Variants in KDM2B observed in about 807,000 individuals in gnomAD.
KDM2B encodes the protein lysine demethylase 2B.
In KDM2B, 26 loss-of-function variants were observed where a neutral mutation model predicts 150.0. The ratio of observed to expected loss-of-function variants is 0.17; its 90% CI spans 0.13 to 0.24. The LOEUF is 0.24. Among genes scored for constraint, KDM2B ranks in the 10% least tolerant of loss-of-function variants. KDM2B has a pLI of 1.00. For missense variants in KDM2B, 1,265 were observed against 1,816.9 expected, an observed-to-expected ratio of 0.70 and a Z score of 5.52; for synonymous variants, 734 against 729.5, an observed-to-expected ratio of 1.01 and a Z score of -0.10.
At chr12:121,428,202 T>C (rs1332301641), downstream of KDM2B, among the ~76,000 whole-genome samples, 2 of 150,866 alleles carry the variant, frequency 1.3e-5, no homozygotes, top group Non-Finnish European at 2.9e-5. Flanking sequence ...GAGATCTTTC[T>C]CTTTTTTTTT....
rs1555288867 is a variant in KDM2B, at chr12:121,442,725, C to T, written c.2716G>A (p.Glu906Lys). 1 of 1,568,276 alleles carries T rather than the reference C, an allele frequency of 6.4e-7. No homozygotes were observed. The highest frequency in any genetic ancestry group is 2.3e-5 in the East Asian group (1 of 44,428). ...ELPEAPPKTR[E>K]SDHSRSSSPT... ...GAGCTGGAGCGGGAGTGGTCGCTCT[C>T]CCTGGTCTTGGGGGGCGCCTCGGGC... The change falls in exon 19 of 23, where the codon GAG (glutamate) becomes AAG (lysine). Residue 906 changes from glutamate (E) to lysine (K), a missense_variant. Glu to Lys is a moderately conservative substitution (Grantham distance 56). Around this residue, in one of 11 missense-constraint regions of KDM2B, gnomAD observed 418 missense variants for 402.4 expected, o/e 1.04. Transcript: ENST00000377071. This position sits in a 1 kb window ranked among gnomAD's most constrained non-coding sequence, Gnocchi z 7.7.
In KDM2B at chr12:121,453,068, C is replaced by G; in HGVS notation, c.1959+52G>C. On this transcript the variant is annotated intron_variant, in intron 13 of 22. Coordinates refer to ENST00000377071, the MANE Select transcript of KDM2B (RefSeq NM_032590.5). This position sits in a 1 kb window ranked among gnomAD's most constrained non-coding sequence, Gnocchi z 6.4. ...GCGAGCAGCGGTCAGACACGCGGGC[C>G]GGCACGCAGGGGCCTGAATCGAGCG... 3 of 1,464,484 alleles carry G rather than the reference C, an allele frequency of 2.0e-6. No homozygotes were observed. Among genetic ancestry groups the G allele is most frequent in the Non-Finnish European group, 2.8e-6 (3 of 1,089,566 alleles). 90.7% of individuals were successfully genotyped at this position (1,464,484 alleles called of 1,614,324 possible).
rs1308876119 is a variant in KDM2B, at chr12:121,453,761, C to T, written c.1735-417G>A. On this transcript the variant is annotated intron_variant, in intron 12 of 22. Coordinates refer to ENST00000377071, the MANE Select transcript of KDM2B (RefSeq NM_032590.5). This position sits in a 1 kb window ranked among gnomAD's most constrained non-coding sequence, Gnocchi z 6.4. ...CCGCAGAGCCAGCCCGGCCCGCCAG[C>T]CCACACCTTGACTTCAGACTCCTGG... 6.6e-6 allele frequency among the ~76,000 whole-genome samples: 1 copy of T among 152,226 alleles called. No individual in the cohort carries two copies. Among genetic ancestry groups the T allele is most frequent in the South Asian group, 2.1e-4 (1 of 4,826 alleles).
intron 11 of KDM2B, among the ~76,000 whole-genome samples, chr12:121,494,943 C>T (rs905097615): frequency 1.3e-5 from 2 of 151,930 alleles, no homozygotes; most frequent in Non-Finnish European, 2.9e-5. Context: ...CCCATGATCA[C>T]AGTTATGACA....
rs1386790598 is a variant in KDM2B, at chr12:121,516,129, A to G, written c.1048-2727T>C. On this transcript the variant is annotated intron_variant, in intron 9 of 22. Coordinates refer to ENST00000377071, the MANE Select transcript of KDM2B (RefSeq NM_032590.5). The stretch of plus-strand genomic sequence containing the variant: ...ACGAATTACCAGTACTTAAAAAGCA[A>G]GCTGAGGACGGACAGACCTCATCCA... Among the ~76,000 whole-genome samples, 3 of 152,146 alleles carry G rather than the reference A, an allele frequency of 2.0e-5. No individual in the cohort carries two copies. The East Asian group carries it at 5.8e-4, about 29-fold the overall frequency.
chr12:121,568,170 T>C (rs1334725026), intron 4 of KDM2B, among the ~76,000 whole-genome samples: 2 of 151,972 alleles, frequency 1.3e-5, no homozygotes, highest in African/African-American at 4.8e-5. Flanking sequence ...TCAGAAAATA[T>C]CCAACCACGA....
rs1173698142 is a variant in KDM2B, at chr12:121,533,885, C to T, written c.777+612G>A. Among the ~76,000 whole-genome samples, 5 of 152,146 alleles carry T rather than the reference C, an allele frequency of 3.3e-5. No individual in the cohort carries two copies. Among genetic ancestry groups the T allele is most frequent in the Admixed American group, 1.3e-4 (2 of 15,268 alleles). On this transcript the variant is annotated intron_variant, in intron 7 of 22. Coordinates refer to ENST00000377071, the MANE Select transcript of KDM2B (RefSeq NM_032590.5). This position sits in a 1 kb window ranked among gnomAD's most constrained non-coding sequence, Gnocchi z 4.1. ...ATCCCAGCACTTTGGAAGACCAAGA[C>T]GAGAGGATCACGTGAGCCCAGGACT...
intron 12 of KDM2B, among the ~76,000 whole-genome samples, chr12:121,486,805 T>C (rs1403969199): frequency 6.6e-6 from 1 of 150,860 alleles, no homozygotes; most frequent in African/African-American, 2.4e-5. Context: ...ATAATCATAA[T>C]CATAATCATC....
rs571567932 is a variant in KDM2B at position 121,533,617 on chromosome 12, A to T, written c.778-658T>A. Among the ~76,000 whole-genome samples the T allele has an allele frequency of 5.3e-5, 8 of 152,334 alleles. No homozygotes were observed. In the South Asian group the frequency reaches 1.7e-3, roughly 32 times the overall value. ...CTGGCAACTAGACTTTAAAGTAAAA[A>T]GGTCCCAGGGCAGGAGCTGAGATGA... On this transcript the variant is annotated intron_variant, in intron 7 of 22. Coordinates refer to ENST00000377071, the MANE Select transcript of KDM2B (RefSeq NM_032590.5). The surrounding 1 kb of genome is among the most constrained non-coding windows in gnomAD (Gnocchi z 4.1).
chr12:121,451,650 G>A (rs966086469), intron 13 of KDM2B, among the ~76,000 whole-genome samples: 2 of 152,156 alleles, frequency 1.3e-5, no homozygotes, highest in Non-Finnish European at 2.9e-5. Flanking sequence ...GGTGGCTCAC[G>A]CCTGTAATCC....
chr12:121,435,137 C>T (rs1353783035), intron 22 of KDM2B, among the ~76,000 whole-genome samples: 1 of 151,584 alleles, frequency 6.6e-6, no homozygotes. Context: ...GGTTTGAGAC[C>T]AGTCTGGGCA....
downstream of KDM2B, among the ~76,000 whole-genome samples, chr12:121,425,784 T>G (rs1017648422): frequency 1.6e-4 from 24 of 151,650 alleles, no homozygotes; most frequent in Non-Finnish European, 2.2e-4. Context: ...TTTTTTTTTT[T>G]GAGACAGAGT....
intron 6 of KDM2B, among the ~76,000 whole-genome samples, chr12:121,541,458 G>A (rs1888610071): frequency 6.7e-6 from 1 of 148,232 alleles, no homozygotes; most frequent in East Asian, 2.0e-4. Context: ...AGGGAGAGAG[G>A]GAGGGAAATT....
At chr12:121,444,299 C>G (rs782095639) in intron 15 of KDM2B, 27 bp from the exon 16 acceptor site, 4 of 1,612,616 alleles carry the variant, frequency 2.5e-6, no homozygotes, top group South Asian at 2.2e-5. Flanking sequence ...AGAGAATGAA[C>G]AGACCAACTG....
intron 4 of KDM2B, among the ~76,000 whole-genome samples, chr12:121,560,993 C>G (rs1185828001): frequency 3.3e-5 from 5 of 152,178 alleles, no homozygotes; most frequent in Non-Finnish European, 7.4e-5. Flanking sequence ...AAATTTTCCA[C>G]ATGGGGCAGT....
chr12:121,419,953 G>C, the KDM2B span: 1 of 303,858 alleles, frequency 3.3e-6, no homozygotes, highest in Non-Finnish European at 6.5e-6. Context: ...ATCCTTAATG[G>C]CTTTGGCATT....
Position 121,440,997 on chromosome 12 carries a change from G to A in KDM2B, c.3449-20C>T. 6.2e-7 allele frequency: 1 copy of A among 1,612,936 alleles called. No homozygotes were observed. Among genetic ancestry groups the A allele is most frequent in the Non-Finnish European group, 8.5e-7 (1 of 1,179,208 alleles). ...GGAGCCCTGGGGGGACATAGAAAAG[G>A]GTGAAGGTCAGGGGATGTGTCCCCA... is the stretch of plus-strand genomic sequence containing the variant. On this transcript the variant is annotated intron_variant, in intron 20 of 22. Coordinates refer to ENST00000377071, the MANE Select transcript of KDM2B (RefSeq NM_032590.5).
chr12:121,438,593 G>A (rs1874402925), intron 22 of KDM2B, among the ~76,000 whole-genome samples: 1 of 152,048 alleles, frequency 6.6e-6, no homozygotes, highest in African/African-American at 2.4e-5. Context: ...TCCACGAGGT[G>A]GAACAATCCC....
chr12:121,449,391 A>C (rs7980819), intron 13 of KDM2B, among the ~76,000 whole-genome samples: 5 of 151,770 alleles, frequency 3.3e-5, no homozygotes, highest in Non-Finnish European at 4.4e-5. Context: ...CAGAAGGGCT[A>C]GGAGAAGAGT....
Sources: allele counts gnomAD v4.1 joint callset (sites outside exome capture counted in the v4.1 genomes callset), GRCh38; gene constraint gnomAD v4.1.1; regional missense constraint gnomAD v4.1.1; non-coding constraint Gnocchi (gnomAD v3.1); transcripts MANE v1.5; gene names NCBI Gene and HGNC (gene_info 2026-07-23, HGNC 2026-07-21).